The following KCNT2 variants were observed in gnomAD, a reference collection of about 807,000 sequenced individuals.
KCNT2 encodes potassium sodium-activated channel subfamily T member 2.
Under a neutral mutation model 153.8 loss-of-function variants are expected in KCNT2, and 67 were observed. The observed-to-expected ratio is 0.44, with a 90% confidence interval of 0.36 to 0.53. The LOEUF is 0.53. Ranked by LOEUF, KCNT2 falls within the 20% of genes least tolerant of loss-of-function variation. The probability of loss-of-function intolerance (pLI) is 0.00; values close to 1 mark genes in which losing one functional copy is unlikely to be tolerated. For synonymous variants in KCNT2, 500 were observed against 458.8 expected (o/e 1.09, Z -1.15); for missense variants, 975 against 1,354.8 (o/e 0.72, Z 4.40).
At chr1:196,311,694 T>G (rs183291279) in intron 21 of KCNT2, among the ~76,000 whole-genome samples, 1 of 151,914 alleles carries the variant, frequency 6.6e-6, no homozygotes, top group East Asian at 1.9e-4. Flanking sequence ...CTAGGTAAAG[T>G]TCTCTTGTCT....
At chr1:196,504,522 G>A (rs1680970073) in intron 1 of KCNT2, among the ~76,000 whole-genome samples, 1 of 151,994 alleles carries the variant, frequency 6.6e-6, no homozygotes. Flanking sequence ...CTTTGCTATT[G>A]TGAATAGTGC....
At chr1:196,353,127 C>G (rs1197787087) in intron 14 of KCNT2, among the ~76,000 whole-genome samples, 7 of 151,932 alleles carry the variant, frequency 4.6e-5, no homozygotes, top group African/African-American at 1.4e-4. Flanking sequence ...ACAGCAGTCT[C>G]TACTCCCTTA....
At position 196,562,642 on chromosome 1, in the gene KCNT2, T is replaced by C. The variant is rs115812426; in HGVS notation, c.95+45573A>G. On this transcript the variant is annotated intron_variant, in intron 1 of 27. Coordinates refer to ENST00000294725, the MANE Select transcript of KCNT2 (RefSeq NM_198503.5). ...AACTGGGGGAAAAAAACAAAAATAA[T>C]AAATTGGTCATGATATCGTTGATTT... is the stretch of plus-strand genomic sequence containing the variant. Among the ~76,000 whole-genome samples the C allele has an allele frequency of 4.9e-3, 742 of 151,782 alleles. 6 individuals are homozygous for C. The highest frequency in any genetic ancestry group is 0.017 in the African/African-American group (719 of 41,416).
rs1343116432 is a variant in KCNT2 at position 196,415,807 on chromosome 1, C to A, written c.1185+7243G>T. On this transcript the variant is annotated intron_variant, in intron 12 of 27. Transcript: ENST00000294725. ...CAAGACCTAAAACTCCACCCAGTTA[C>A]CAGGACTCAATGACACTCTTGTTGT... Among the ~76,000 whole-genome samples the A allele has an allele frequency of 2.0e-5, 3 of 151,948 alleles. No homozygotes were observed. In the East Asian group the frequency reaches 5.8e-4, roughly 30 times the overall value.
rs201012445 is a variant in KCNT2 at position 196,562,708 on chromosome 1, C to CT, written c.95+45506dup. Among the ~76,000 whole-genome samples the CT allele has an allele frequency of 3.0e-3, 427 of 142,572 alleles. 2 individuals are homozygous for CT. The highest frequency in any genetic ancestry group is 3.5e-3 in the East Asian group (17 of 4,870). The allele number at this position is 142,572 out of a possible 152,430, so 93.5% of individuals were successfully genotyped here. On this transcript the variant is annotated intron_variant, in intron 1 of 27. Transcript: ENST00000294725. ...AGTAAGGTTCTGATTTCTTTCTTCT[C>CT]TTTTTTTTTTTTCCTGAATTGCTAA...
intron 6 of KCNT2, among the ~76,000 whole-genome samples, 177 bp from the exon 7 acceptor site, chr1:196,467,963 T>C (rs1677760862): frequency 6.6e-6 from 1 of 152,124 alleles, no homozygotes; most frequent in African/African-American, 2.4e-5. Flanking sequence ...CTTTCATTCA[T>C]TGTCTAAATC....
At chr1:196,263,906 T>G (rs914835723) in intron 25 of KCNT2, among the ~76,000 whole-genome samples, 8 of 152,150 alleles carry the variant, frequency 5.3e-5, no homozygotes, top group Admixed American at 4.6e-4. Flanking sequence ...ACTTGCACAT[T>G]TACACCTCTT....
At chr1:196,294,339 G>T (rs193276323) in intron 22 of KCNT2, among the ~76,000 whole-genome samples, 1 of 152,050 alleles carries the variant, frequency 6.6e-6, no homozygotes, top group African/African-American at 2.4e-5. Context: ...GCAGTGGTGC[G>T]ATCTCAGCTC....
At chr1:196,543,566 T>C (rs1012916396) in intron 1 of KCNT2, among the ~76,000 whole-genome samples, 10 of 152,126 alleles carry the variant, frequency 6.6e-5, no homozygotes, top group African/African-American at 2.4e-4. Context: ...AAGTATAATC[T>C]GTAACTCTGA....
At chr1:196,262,640 A>T (rs1371448255) in intron 25 of KCNT2, among the ~76,000 whole-genome samples, 1 of 152,054 alleles carries the variant, frequency 6.6e-6, no homozygotes, top group Admixed American at 6.6e-5. Context: ...TTTAAAAAAA[A>T]ATCTAAAGAA....
At chr1:196,562,191 A>T (rs979849433) in intron 1 of KCNT2, among the ~76,000 whole-genome samples, 3 of 152,022 alleles carry the variant, frequency 2.0e-5, no homozygotes, top group African/African-American at 7.2e-5. Context: ...ATTTCAAAAT[A>T]TGACAAAGAA....
intron 1 of KCNT2, among the ~76,000 whole-genome samples, chr1:196,600,607 C>A (rs968465162): frequency 1.4e-4 from 21 of 152,010 alleles, no homozygotes; most frequent in African/African-American, 4.1e-4. Context: ...TGTTATGGAG[C>A]ACAACAATAG....
chr1:196,434,546 G>A (rs1483397003), intron 8 of KCNT2, among the ~76,000 whole-genome samples: 4 of 151,794 alleles, frequency 2.6e-5, no homozygotes, highest in East Asian at 1.9e-4. Context: ...GAAAAGCTGC[G>A]GGATTCTCAC....
At chr1:196,332,797 T>G (rs1664591835) in intron 17 of KCNT2, among the ~76,000 whole-genome samples, 1 of 151,582 alleles carries the variant, frequency 6.6e-6, no homozygotes, top group African/African-American at 2.4e-5. Context: ...TTTTTTTTTT[T>G]TTTTTAAGAC....
intron 1 of KCNT2, among the ~76,000 whole-genome samples, chr1:196,586,085 C>T (rs1662644100): frequency 6.6e-6 from 1 of 151,866 alleles, no homozygotes; most frequent in Admixed American, 6.6e-5. Context: ...CATGGCAAAA[C>T]CCCATCTCTA....
At chr1:196,416,350 G>A (rs2148500003) in intron 12 of KCNT2, among the ~76,000 whole-genome samples, 1 of 152,152 alleles carries the variant, frequency 6.6e-6, no homozygotes, top group South Asian at 2.1e-4. Flanking sequence ...CTTAGCTGAG[G>A]TTGCCAAGAT....
intron 13 of KCNT2, among the ~76,000 whole-genome samples, chr1:196,397,360 A>T (rs937928490): frequency 1.3e-5 from 2 of 151,590 alleles, no homozygotes; most frequent in East Asian, 3.9e-4. Context: ...ATGAATGCTA[A>T]TGATATACGT....
At chr1:196,344,866 C>T (rs1278015552) in intron 14 of KCNT2, among the ~76,000 whole-genome samples, 2 of 151,528 alleles carry the variant, frequency 1.3e-5, no homozygotes, top group African/African-American at 2.4e-5. Context: ...GATGTCATTT[C>T]GTTGGAATTT....
intron 1 of KCNT2, among the ~76,000 whole-genome samples, chr1:196,576,894 A>G (rs1661441495): frequency 6.6e-6 from 1 of 152,156 alleles, no homozygotes. Flanking sequence ...GATGAATTCA[A>G]TTAAGTTAGT....
Sources: gnomAD v4.1 joint callset for allele counts (sites outside exome capture counted in the v4.1 genomes callset) on GRCh38, gnomAD v4.1.1 for gene constraint, MANE v1.5 for transcripts, NCBI Gene and HGNC (gene_info 2026-07-23, HGNC 2026-07-21) for gene names.